Variants in PTPRK observed in about 807,000 individuals in gnomAD.
PTPRK encodes receptor-type tyrosine-protein phosphatase kappa.
PTPRK carries 75 observed loss-of-function variants against 178.0 expected under a neutral mutation model. The ratio of observed to expected loss-of-function variants is 0.42; its 90% CI spans 0.35 to 0.51. The LOEUF (loss-of-function observed/expected upper bound fraction) is 0.51. Ranked by LOEUF, PTPRK falls within the 20% of genes least tolerant of loss-of-function variation. The pLI is 0.02. For synonymous variants in PTPRK, 637 were observed against 620.6 expected, an observed-to-expected ratio of 1.03 and a Z score of -0.39; for missense variants, 1,441 against 1,797.8, an observed-to-expected ratio of 0.80 and a Z score of 3.59.
intron 3 of PTPRK, chr6:128,320,898 G>A (rs867770658): frequency 4.5e-4 from 68 of 152,106 alleles, no homozygotes; most frequent in African/African-American, 1.5e-3. Flanking sequence ...CTTATGCTCC[G>A]GAATAATAGA....
intron 3 of PTPRK, among the ~76,000 whole-genome samples, chr6:128,300,336 T>C (rs974344962): frequency 6.6e-6 from 1 of 152,018 alleles, no homozygotes; most frequent in Non-Finnish European, 1.5e-5. Flanking sequence ...GATCTAGAAC[T>C]AGAAATACCA....
Position 128,279,107 on chromosome 6 carries a change from T to C in PTPRK, c.496-36505A>G, listed in dbSNP as rs151092932. Among the ~76,000 whole-genome samples, 328 of 151,982 alleles carry C rather than the reference T, an allele frequency of 2.2e-3. 4 individuals carry two copies. Among genetic ancestry groups the C allele is most frequent in the African/African-American group, 7.5e-3 (309 of 41,428 alleles). ...CTCTGAGATACAGCCTAAGCACTTA[T>C]GTAGAGGCTCAGACTGTGAGCCATT... is the stretch of plus-strand genomic sequence containing the variant. On this transcript the variant is annotated intron_variant, in intron 3 of 29. Transcript: ENST00000368226.
chr6:128,377,882 T>C (rs1837324777), intron 2 of PTPRK, among the ~76,000 whole-genome samples: 1 of 152,176 alleles, frequency 6.6e-6, no homozygotes, highest in South Asian at 2.1e-4. Context: ...TTCCAAACTG[T>C]TACAAGCATA....
At chr6:128,421,895 C>T (rs566840383) in intron 1 of PTPRK, among the ~76,000 whole-genome samples, 1 of 152,326 alleles carries the variant, frequency 6.6e-6, no homozygotes, top group Admixed American at 6.5e-5. Flanking sequence ...GAACACCTTA[C>T]TCTTATGAAC....
At chr6:128,164,624 A>T (rs1216152939) in intron 7 of PTPRK, among the ~76,000 whole-genome samples, 1 of 151,314 alleles carries the variant, frequency 6.6e-6, no homozygotes, top group Non-Finnish European at 1.5e-5. Context: ...ATCTTAAATT[A>T]ATTTCTCCTT....
chr6:128,177,250 T>C (rs902830125), intron 7 of PTPRK, among the ~76,000 whole-genome samples: 4 of 151,774 alleles, frequency 2.6e-5, no homozygotes, highest in Admixed American at 1.3e-4. Context: ...ATACTCCTGG[T>C]GTTATCATCA....
Position 127,998,769 on chromosome 6 carries a change from A to C in PTPRK, c.2630T>G (p.Ile877Ser). ...GCTGTCTGATGTCTTCATGAGATTA[A>C]TGTGCTGCAGTAAATCAGCTACCCT... ...AIRVADLLQH[I>S]NLMKTSDSYG... The change falls in exon 16 of 30, where the codon ATT becomes AGT. Residue 877 changes from isoleucine to serine, a missense_variant. Ile to Ser is a moderately radical substitution (Grantham distance 142). Around this residue, in one of 4 missense-constraint regions of PTPRK, gnomAD observed 945 missense variants for 1,080.6 expected, o/e 0.87. Coordinates refer to ENST00000368226, the MANE Select transcript of PTPRK (RefSeq NM_002844.4). The C allele has an allele frequency of 6.2e-7, 1 of 1,609,028 alleles. No homozygotes were observed. Among genetic ancestry groups the C allele is most frequent in the Middle Eastern group, 1.7e-4 (1 of 6,026 alleles).
At chr6:128,204,913 G>A (rs958858448) in intron 6 of PTPRK, among the ~76,000 whole-genome samples, 1 of 152,124 alleles carries the variant, frequency 6.6e-6, no homozygotes, top group Non-Finnish European at 1.5e-5. Flanking sequence ...CCTCTACTGG[G>A]TATATACCCA....
chr6:128,160,459 T>C (rs1255963063), intron 7 of PTPRK, among the ~76,000 whole-genome samples: 2 of 151,662 alleles, frequency 1.3e-5, no homozygotes, highest in African/African-American at 4.8e-5. Flanking sequence ...TGATACAAAG[T>C]GGATGAACAA....
chr6:128,032,638 A>C (rs903792494), intron 13 of PTPRK, among the ~76,000 whole-genome samples: 3 of 152,230 alleles, frequency 2.0e-5, no homozygotes, highest in African/African-American at 7.2e-5. Flanking sequence ...GGGTGAAAAC[A>C]TTCCCCTCTT....
intron 13 of PTPRK, among the ~76,000 whole-genome samples, chr6:128,061,748 T>A (rs1347822741): frequency 6.6e-6 from 1 of 152,178 alleles, no homozygotes. Flanking sequence ...AAACCTTCAC[T>A]GAAGCTAGCA....
At chr6:128,362,268 T>G (rs1370655359) in intron 2 of PTPRK, among the ~76,000 whole-genome samples, 1 of 152,096 alleles carries the variant, frequency 6.6e-6, no homozygotes, top group East Asian at 1.9e-4. Flanking sequence ...GCTACATATT[T>G]TTAAACTCTC....
chr6:128,271,465 T>C (rs1025780909), intron 3 of PTPRK, among the ~76,000 whole-genome samples: 1 of 152,154 alleles, frequency 6.6e-6, no homozygotes, highest in Non-Finnish European at 1.5e-5. Context: ...ATCAGCTTTA[T>C]AAGAGCTGTA....
At chr6:127,982,532 C>T (rs916277205) in intron 24 of PTPRK, among the ~76,000 whole-genome samples, 1 of 152,180 alleles carries the variant, frequency 6.6e-6, no homozygotes, top group Non-Finnish European at 1.5e-5. Flanking sequence ...CCTCGGCCTC[C>T]CAAAGTGCTG....
chr6:128,281,335 T>C (rs892334952), intron 3 of PTPRK, among the ~76,000 whole-genome samples: 10 of 152,192 alleles, frequency 6.6e-5, no homozygotes, highest in African/African-American at 2.2e-4. Context: ...GTTTCACTTA[T>C]CCAAAAATGA....
At chr6:128,086,639 G>A (rs1483153714) in intron 8 of PTPRK, among the ~76,000 whole-genome samples, 1 of 151,974 alleles carries the variant, frequency 6.6e-6, no homozygotes, top group South Asian at 2.1e-4. Context: ...ATAATCCATC[G>A]ATCTTTCCAA....
At chr6:128,329,759 T>C (rs540865153) in intron 2 of PTPRK, among the ~76,000 whole-genome samples, 22 of 150,018 alleles carry the variant, frequency 1.5e-4, no homozygotes, top group African/African-American at 5.4e-4. Context: ...CCATTTCAAA[T>C]GTTAATCACA....
At chr6:127,985,491 A>T (rs555643433) in intron 22 of PTPRK, among the ~76,000 whole-genome samples, 40 of 152,366 alleles carry the variant, frequency 2.6e-4, no homozygotes, top group African/African-American at 7.9e-4. Flanking sequence ...TCTATACTTT[A>T]AATTGTGGAT....
chr6:128,092,542 T>C (rs1335846851), intron 7 of PTPRK, among the ~76,000 whole-genome samples: 1 of 152,184 alleles, frequency 6.6e-6, no homozygotes, highest in Non-Finnish European at 1.5e-5. Flanking sequence ...CATATACATA[T>C]ACACATATGC....
Sources: allele counts gnomAD v4.1 joint callset (sites outside exome capture counted in the v4.1 genomes callset), GRCh38; gene constraint gnomAD v4.1.1; regional missense constraint gnomAD v4.1.1; transcripts MANE v1.5; gene names NCBI Gene and HGNC (gene_info 2026-07-23, HGNC 2026-07-21).